The following ARHGEF1 variants were observed in gnomAD, a reference collection of about 807,000 sequenced individuals.
ARHGEF1 encodes the protein Rho guanine nucleotide exchange factor 1.
Under a neutral mutation model 119.7 loss-of-function variants are expected in ARHGEF1, and 40 were observed. That is an observed-to-expected ratio of 0.33 (90% CI 0.26 to 0.44). ARHGEF1 has a LOEUF of 0.44. ARHGEF1 is among the 20% of genes least tolerant of loss of function. The probability of loss-of-function intolerance (pLI) is 1.00; values close to 1 mark genes in which losing one functional copy is unlikely to be tolerated. For missense variants in ARHGEF1, 976 were observed against 1,268.3 expected, an observed-to-expected ratio of 0.77 and a Z score of 3.50; for synonymous variants, 494 against 521.0, an observed-to-expected ratio of 0.95 and a Z score of 0.71.
downstream of ARHGEF1, chr19:41,910,103 G>T: frequency 6.2e-7 from 1 of 1,610,540 alleles, no homozygotes; most frequent in South Asian, 1.1e-5. The surrounding 1 kb of genome is among the most constrained non-coding windows in gnomAD (Gnocchi z 4.4). Flanking sequence ...AAACCCTGGG[G>T]ACGGGAGGCA....
chr19:41,902,118 AC>A lies in ARHGEF1; in HGVS notation c.1414+89del. The A allele has an allele frequency of 6.3e-7, 1 of 1,579,330 alleles. No homozygotes were observed. Among genetic ancestry groups the A allele is most frequent in the Non-Finnish European group, 8.6e-7 (1 of 1,159,372 alleles). On this transcript the variant is annotated intron_variant, in intron 15 of 28. Transcript: ENST00000354532. This position sits in a 1 kb window ranked among gnomAD's most constrained non-coding sequence, Gnocchi z 6.5. ...AGCCCTGGGTTCAACCTGCTCGGGA[AC>A]CCCAGGGTTCACATGGGGTGGGGGC...
rs567798043 is a variant in ARHGEF1, at chr19:41,903,492, C to T, written c.1839+85C>T. ...CCTACCTCAGCCTGTCCAGAAGTCA[C>T]ACCCCACCCCTTGGCTTGTCTCCCT... is the stretch of plus-strand genomic sequence containing the variant. On this transcript the variant is annotated intron_variant, in intron 19 of 28. Transcript: ENST00000354532. This position sits in a 1 kb window ranked among gnomAD's most constrained non-coding sequence, Gnocchi z 4.2. The T allele has an allele frequency of 4.2e-5, 57 of 1,349,774 alleles. No homozygotes were observed. Among genetic ancestry groups the T allele is most frequent in the Non-Finnish European group, 5.9e-5 (57 of 960,912 alleles). 83.6% of individuals were successfully genotyped at this position (1,349,774 alleles called of 1,614,324 possible).
intron 1 of ARHGEF1, among the ~76,000 whole-genome samples, chr19:41,885,437 C>T (rs1473207502): frequency 6.7e-6 from 1 of 149,916 alleles, no homozygotes; most frequent in Non-Finnish European, 1.5e-5. Flanking sequence ...TGAAGCAATG[C>T]TCTCTGTTTT....
At chr19:41,887,985 C>T in intron 1 of ARHGEF1, 79 bp from the exon 2 acceptor site, 1 of 1,487,994 alleles carries the variant, frequency 6.7e-7, no homozygotes, top group Non-Finnish European at 9.1e-7. Flanking sequence ...ACCTTCACAC[C>T]TGGGCCAGGA....
At position 41,903,890 on chromosome 19, in the gene ARHGEF1, A is replaced by G. The variant is rs543493681; in HGVS notation, c.1917+106A>G. On this transcript the variant is annotated intron_variant, in intron 20 of 28. Coordinates refer to ENST00000354532, the MANE Select transcript of ARHGEF1 (RefSeq NM_004706.4). This position sits in a 1 kb window ranked among gnomAD's most constrained non-coding sequence, Gnocchi z 4.2. ...TGCCCATCCCATAATACACCCAGGA[A>G]GCGAGAGCTCTGTCCCCCACCTCAT... 13 of 1,385,404 alleles carry G rather than the reference A, an allele frequency of 9.4e-6. No individual in the cohort carries two copies. The highest frequency in any genetic ancestry group is 1.3e-5 in the Non-Finnish European group (13 of 985,678). 85.8% of individuals were successfully genotyped at this position (1,385,404 alleles called of 1,614,324 possible). A position where few individuals can be genotyped will look rare whatever the true frequency, so the allele number is the denominator to read the frequency against.
chr19:41,896,963 C>T (rs1568817753), intron 13 of ARHGEF1: 4 of 390,170 alleles, frequency 1.0e-5, no homozygotes, highest in Non-Finnish European at 2.0e-5. Flanking sequence ...CCTTCCCCCT[C>T]CTCTCTTTCC....
In ARHGEF1 at chr19:41,907,128, T is replaced by G; in HGVS notation, c.*41T>G. The G allele has an allele frequency of 6.5e-7, 1 of 1,530,148 alleles. No individual in the cohort carries two copies. The highest frequency in any genetic ancestry group is 8.7e-7 in the Non-Finnish European group (1 of 1,144,342). The allele number at this position is 1,530,148 out of a possible 1,614,324, so 94.8% of individuals were successfully genotyped here. On this transcript the variant is annotated 3_prime_UTR_variant, in exon 29 of 29. Coordinates refer to ENST00000354532, the MANE Select transcript of ARHGEF1 (RefSeq NM_004706.4). ...AGGCCTTTTGCAAGAAGGAGAGGAATGGGGGAGAGGACGTGAGGGACCACC... is the reference window on the plus strand; with the variant it reads ...AGGCCTTTTGCAAGAAGGAGAGGAAGGGGGGAGAGGACGTGAGGGACCACC...
At chr19:41,921,974 T>C (rs1599679855), upstream of ARHGEF1, among the ~76,000 whole-genome samples, 1 of 78,416 alleles carries the variant, frequency 1.3e-5, no homozygotes, top group Non-Finnish European at 2.5e-5. The surrounding 1 kb of genome is among the most constrained non-coding windows in gnomAD (Gnocchi z 4.4). Context: ...CTCCCACCCC[T>C]TCCCCACCCT....
At chr19:41,915,855 C>A (rs782639776) in intron 18 of ARHGEF1, among the ~76,000 whole-genome samples, 5 of 152,214 alleles carry the variant, frequency 3.3e-5, no homozygotes, top group African/African-American at 4.8e-5. Flanking sequence ...CCAAACAGGG[C>A]CTGGCAGGAC....
chr19:41,902,058 T>C lies in ARHGEF1; in HGVS notation c.1414+25T>C. The C allele has an allele frequency of 1.2e-6, 2 of 1,607,234 alleles. No individual in the cohort carries two copies. Among genetic ancestry groups the C allele is most frequent in the Non-Finnish European group, 1.7e-6 (2 of 1,175,302 alleles). On this transcript the variant is annotated intron_variant, in intron 15 of 28. Transcript: ENST00000354532. The surrounding 1 kb of genome is among the most constrained non-coding windows in gnomAD (Gnocchi z 6.5). ...TGTGAGTGCAGAGCCAGGGTCCCTCTGTGTACCCCACTGCCCCACGGGCAG... is the reference window on the plus strand; with the variant it reads ...TGTGAGTGCAGAGCCAGGGTCCCTCCGTGTACCCCACTGCCCCACGGGCAG...
At chr19:41,921,817 G>A (rs2074843907), upstream of ARHGEF1, among the ~76,000 whole-genome samples, 1 of 151,968 alleles carries the variant, frequency 6.6e-6, no homozygotes, top group African/African-American at 2.4e-5. The surrounding 1 kb of genome is among the most constrained non-coding windows in gnomAD (Gnocchi z 4.4). Flanking sequence ...CCCTTCTTCA[G>A]TCCTAGGAGG....
chr19:41,918,970 CCA>C (rs369125007), upstream of ARHGEF1, among the ~76,000 whole-genome samples: 162 of 150,240 alleles, frequency 1.1e-3, 1 homozygote, highest in African/African-American at 3.1e-3. Context: ...ACACCACACA[CCA>C]CACACACACA....
Position 41,917,787 on chromosome 19 carries a change from A to G in ARHGEF1, c.1866-5305A>G, listed in dbSNP as rs1168891686. 6.6e-6 allele frequency among the ~76,000 whole-genome samples: 1 copy of G among 151,772 alleles called. No homozygotes were observed. Among genetic ancestry groups the G allele is most frequent in the East Asian group, 1.9e-4 (1 of 5,154 alleles). On this transcript the variant is annotated intron_variant, in intron 18 of 20. Coordinates refer to the ARHGEF1 transcript ENST00000599589. This position sits in a 1 kb window ranked among gnomAD's most constrained non-coding sequence, Gnocchi z 4.8. ...ACAGTAGAGACCCACAGTGACACCC[A>G]CTAGTAGGCACACACACACCATGCA...
chr19:41,887,944 CGGAGGCTGGGATGGG>C, intron 1 of ARHGEF1, 105 bp from the exon 2 acceptor site: 6 of 1,153,146 alleles, frequency 5.2e-6, no homozygotes, highest in Non-Finnish European at 7.2e-6. Flanking sequence ...CATTGAGCTG[CGGAGGCTGGGATGGG>C]GGAGGCTGTT....
At chr19:41,895,265 G>A in intron 11 of ARHGEF1, 84 bp from the exon 12 acceptor site, 1 of 1,513,850 alleles carries the variant, frequency 6.6e-7, no homozygotes, top group Non-Finnish European at 8.9e-7. Context: ...AAGGGCCTGA[G>A]CACAGCCTCT....
At chr19:41,891,284 T>C (rs2074372536) in intron 4 of ARHGEF1, among the ~76,000 whole-genome samples, 1 of 152,076 alleles carries the variant, frequency 6.6e-6, no homozygotes, top group Non-Finnish European at 1.5e-5. Context: ...TTGGGTTTTA[T>C]TTATTTATTT....
At chr19:41,921,085 C>T (rs1373029054), upstream of ARHGEF1, among the ~76,000 whole-genome samples, 1 of 152,124 alleles carries the variant, frequency 6.6e-6, no homozygotes, top group African/African-American at 2.4e-5. This position sits in a 1 kb window ranked among gnomAD's most constrained non-coding sequence, Gnocchi z 4.4. Flanking sequence ...AGGTGGGAGC[C>T]GCAGTGCCAC....
Position 41,906,395 on chromosome 19 carries a change from C to T in ARHGEF1, c.2492-62C>T, listed in dbSNP as rs1328785354. The T allele has an allele frequency of 2.2e-5, 32 of 1,481,446 alleles. No individual in the cohort carries two copies. Among genetic ancestry groups the T allele is most frequent in the Admixed American group, 1.7e-4 (7 of 41,502 alleles). The allele number at this position is 1,481,446 out of a possible 1,614,324, so 91.8% of individuals were successfully genotyped here. ...CCTACACATCCCCTTTGGAATCCCC[C>T]ATCCCAGATCCCAGCCCAGCCCCCT... On this transcript the variant is annotated intron_variant, in intron 26 of 28. Coordinates refer to ENST00000354532, the MANE Select transcript of ARHGEF1 (RefSeq NM_004706.4). This position sits in a 1 kb window ranked among gnomAD's most constrained non-coding sequence, Gnocchi z 4.5.
At position 41,905,249 on chromosome 19, in the gene ARHGEF1, C is replaced by A. The variant is rs782294156; in HGVS notation, c.2324C>A (p.Pro775His). The change falls in exon 24 of 29, where the codon CCC (proline) becomes CAC (histidine). Residue 775 changes from proline to histidine, a missense_variant. Pro to His is a moderately conservative substitution (Grantham distance 77). Around this residue, in one of 3 missense-constraint regions of ARHGEF1, gnomAD observed 171 missense variants for 180.6 expected, o/e 0.95. Coordinates refer to ENST00000354532, the MANE Select transcript of ARHGEF1 (RefSeq NM_004706.4). This position sits in a 1 kb window ranked among gnomAD's most constrained non-coding sequence, Gnocchi z 6.4. The stretch of plus-strand genomic sequence containing the variant: ...CCTGCCTCTCGCCCTAAGCCCCGGC[C>A]CAGCCCGAGCAGGTGAGGGGGGCCA... ...PAPASRPKPR[P>H]SPSSTREPLL... is the part of the protein sequence containing the mutation. 1 of 1,613,446 alleles carries A rather than the reference C, an allele frequency of 6.2e-7. No homozygotes were observed. The highest frequency in any genetic ancestry group is 1.3e-5 in the African/African-American group (1 of 75,012).
Sources: allele counts gnomAD v4.1 joint callset (sites outside exome capture counted in the v4.1 genomes callset), GRCh38; gene constraint gnomAD v4.1.1; regional missense constraint gnomAD v4.1.1; non-coding constraint Gnocchi (gnomAD v3.1); transcripts MANE v1.5; gene names NCBI Gene and HGNC (gene_info 2026-07-23, HGNC 2026-07-21).